PLEKHG1: variants seen among roughly 807,000 people sequenced by gnomAD.
The protein encoded by PLEKHG1 is pleckstrin homology domain-containing family G member 1.
A neutral mutation model predicts 100.8 loss-of-function variants in PLEKHG1; 44 were observed. The observed-to-expected ratio is 0.44, with a 90% confidence interval of 0.34 to 0.56. The LOEUF is 0.56. Among genes scored for constraint, PLEKHG1 ranks in the 20% least tolerant of loss-of-function variants. PLEKHG1 has a pLI of 0.01. For missense variants in PLEKHG1, 1,545 were observed against 1,720.9 expected, an observed-to-expected ratio of 0.90 and a Z score of 1.81; for synonymous variants, 640 against 662.5, an observed-to-expected ratio of 0.97 and a Z score of 0.52.
chr6:150,795,374 C>T (rs931636469), intron 4 of PLEKHG1, among the ~76,000 whole-genome samples: 8 of 145,890 alleles, frequency 5.5e-5, no homozygotes, highest in Admixed American at 4.2e-4. Context: ...CCAGCCTAGG[C>T]GACAGAGCGA....
chr6:150,828,121 C>T (rs988045641), intron 14 of PLEKHG1: 12 of 1,613,402 alleles, frequency 7.4e-6, no homozygotes, highest in South Asian at 1.1e-5. Flanking sequence ...ATTTCAACAA[C>T]CTGCATACCC....
intron 5 of PLEKHG1, 69 bp downstream of exon 6, chr6:150,795,971 T>A: frequency 1.0e-6 from 1 of 967,408 alleles, no homozygotes; most frequent in Non-Finnish European, 1.7e-6. Context: ...GCTGGTGCAG[T>A]ACACATGGTT....
chr6:150,722,736 G>A (rs757999660), intron 1 of PLEKHG1, among the ~76,000 whole-genome samples: 3 of 152,072 alleles, frequency 2.0e-5, no homozygotes, highest in African/African-American at 7.2e-5. Context: ...CTTGGAATTT[G>A]CCTCTTCTTC....
chr6:150,687,415 T>TC (rs912811150), intron 3 of PLEKHG1, among the ~76,000 whole-genome samples: 3 of 152,170 alleles, frequency 2.0e-5, no homozygotes, highest in Non-Finnish European at 2.9e-5. Context: ...TCTCAGTAAT[T>TC]CTTTTTATTT....
intron 7 of PLEKHG1, among the ~76,000 whole-genome samples, chr6:150,808,226 C>CAA (rs201600504): frequency 2.0e-5 from 3 of 151,792 alleles, no homozygotes; most frequent in Admixed American, 1.3e-4. Flanking sequence ...AAAATTTTAA[C>CAA]AAAAAAAGCA....
chr6:150,786,840 G>A (rs1218831543), intron 4 of PLEKHG1, among the ~76,000 whole-genome samples: 1 of 151,906 alleles, frequency 6.6e-6, no homozygotes, highest in African/African-American at 2.4e-5. Context: ...GACCAGCCTG[G>A]CCAACATGGT....
In PLEKHG1 at chr6:150,809,484, C is replaced by T. The variant is rs767812530; in HGVS notation, c.1191+8C>T. 1.2e-6 allele frequency: 2 copies of T among 1,610,310 alleles called. No homozygotes were observed. Among genetic ancestry groups the T allele is most frequent in the Non-Finnish European group, 1.7e-6 (2 of 1,177,036 alleles). On this transcript the variant is annotated splice_region_variant and intron_variant, in intron 9 of 15. Transcript: ENST00000358517. ...CTGCAGCACACAGTCCAGGTAGCAGCCGGGCCCTGGCCTCTCCGCAAGGCC... is the reference window on the plus strand; with the variant it reads ...CTGCAGCACACAGTCCAGGTAGCAGTCGGGCCCTGGCCTCTCCGCAAGGCC...
intron 3 of PLEKHG1, among the ~76,000 whole-genome samples, chr6:150,674,832 AC>A: frequency 6.6e-6 from 1 of 151,972 alleles, no homozygotes; most frequent in East Asian, 1.9e-4. Context: ...ACAGGCACCT[AC>A]CACCATGCCT....
intron 2 of PLEKHG1, among the ~76,000 whole-genome samples, chr6:150,761,035 A>T (rs1189763408): frequency 6.6e-6 from 1 of 151,512 alleles, no homozygotes; most frequent in African/African-American, 2.4e-5. Context: ...ATACACATCC[A>T]CATGAAGTCA....
chr6:150,656,311 T>C (rs565371920), intron 3 of PLEKHG1, among the ~76,000 whole-genome samples: 2 of 152,010 alleles, frequency 1.3e-5, no homozygotes, highest in Non-Finnish European at 2.9e-5. Context: ...CTCAAAGGGG[T>C]GACCTTTGGA....
intron 14 of PLEKHG1, among the ~76,000 whole-genome samples, chr6:150,826,792 G>A (rs991843701): frequency 6.6e-5 from 10 of 151,810 alleles, no homozygotes; most frequent in South Asian, 2.1e-4. Context: ...ACAGTCATGC[G>A]CCACCACGCC....
chr6:150,802,721 C>T (rs1263750984), intron 6 of PLEKHG1, among the ~76,000 whole-genome samples: 2 of 146,332 alleles, frequency 1.4e-5, no homozygotes, highest in Admixed American at 1.4e-4. Context: ...AGTGAAGTGG[C>T]ACAATCTCAG....
chr6:150,826,024 C>CA (rs1308552244), intron 14 of PLEKHG1, among the ~76,000 whole-genome samples: 1 of 151,678 alleles, frequency 6.6e-6, no homozygotes, highest in Non-Finnish European at 1.5e-5. Context: ...ACTAAAAATA[C>CA]AAAAAAATCA....
intron 3 of PLEKHG1, among the ~76,000 whole-genome samples, chr6:150,655,974 C>T (rs912101360): frequency 6.6e-6 from 1 of 151,964 alleles, no homozygotes; most frequent in Admixed American, 6.6e-5. Flanking sequence ...AGAGGTATAG[C>T]ATTAGGAGAA....
intron 5 of PLEKHG1, among the ~76,000 whole-genome samples, chr6:150,796,690 GCCTGGCC>G (rs1383163356): frequency 6.6e-6 from 1 of 152,114 alleles, no homozygotes. Context: ...CTATCCCAGT[GCCTGGCC>G]CCTCCTAAGT....
At chr6:150,724,850 C>T (rs906698798) in intron 1 of PLEKHG1, among the ~76,000 whole-genome samples, 6 of 152,144 alleles carry the variant, frequency 3.9e-5, no homozygotes, top group Admixed American at 2.0e-4. Context: ...CATGGGCCAC[C>T]GCGCCTGGCC....
intron 1 of PLEKHG1, among the ~76,000 whole-genome samples, chr6:150,612,058 C>CG (rs745525578): frequency 1.2e-4 from 12 of 101,744 alleles, no homozygotes; most frequent in Non-Finnish European, 1.1e-4. Context: ...CCCCCCCCCC[C>CG]CCTTTTCTAG....
chr6:150,675,558 T>G (rs989378351), intron 3 of PLEKHG1, among the ~76,000 whole-genome samples: 4 of 152,260 alleles, frequency 2.6e-5, no homozygotes, highest in Non-Finnish European at 5.9e-5. Flanking sequence ...TATTTTAGCC[T>G]CTTGTCTTTA....
At chr6:150,660,278 A>G (rs1256869551) in intron 3 of PLEKHG1, among the ~76,000 whole-genome samples, 1 of 152,180 alleles carries the variant, frequency 6.6e-6, no homozygotes, top group Admixed American at 6.5e-5. Flanking sequence ...TTACTCTCCA[A>G]TATGTTTGAT....
Sources: gnomAD v4.1 joint callset for allele counts (sites outside exome capture counted in the v4.1 genomes callset) on GRCh38, gnomAD v4.1.1 for gene constraint, MANE v1.5 for transcripts, NCBI Gene and HGNC (gene_info 2026-07-23, HGNC 2026-07-21) for gene names.